Variants in CHRNE observed in about 807,000 individuals in gnomAD.
CHRNE encodes acetylcholine receptor subunit epsilon.
Under a neutral mutation model 56.5 loss-of-function variants are expected in CHRNE, and 58 were observed. That is an observed-to-expected ratio of 1.03 (90% CI 0.83 to 1.28). The LOEUF is 1.28. Ranked by LOEUF, CHRNE falls within the 50% of genes most tolerant of loss-of-function variation. The probability of loss-of-function intolerance (pLI) is 0.00; values close to 1 mark genes in which losing one functional copy is unlikely to be tolerated. For synonymous variants in CHRNE, 385 were observed against 297.9 expected, an observed-to-expected ratio of 1.29 and a Z score of -3.01; for missense variants, 793 against 688.9, an observed-to-expected ratio of 1.15 and a Z score of -1.69.
chr17:4,900,050 A>G (rs886769187), intron 8 of CHRNE: 2 of 1,550,096 alleles, frequency 1.3e-6, no homozygotes, highest in African/African-American at 2.7e-5. Flanking sequence ...CGAACCGAAG[A>G]TGCAGGGGAT....
At chr17:4,900,187 C>T in intron 8 of CHRNE, 1 of 1,543,440 alleles carries the variant, frequency 6.5e-7, no homozygotes, top group Non-Finnish European at 8.8e-7. Context: ...GATCGGGTAG[C>T]GGGAACAAGG....
chr17:4,901,371 G>C (rs1204984041), intron 6 of CHRNE, 154 bp downstream of exon 6: 42 of 938,296 alleles, frequency 4.5e-5, no homozygotes, highest in Non-Finnish European at 6.9e-5. Flanking sequence ...CAGGACTAGA[G>C]TAACAATCGA....
chr17:4,901,809 C>A, intron 5 of CHRNE, 123 bp downstream of exon 5: 3 of 1,445,488 alleles, frequency 2.1e-6, no homozygotes, highest in Non-Finnish European at 1.9e-6. Flanking sequence ...CCACCCAGTG[C>A]CTACGCCTGG....
In CHRNE at chr17:4,902,769, A is replaced by G; in HGVS notation, c.47-6T>C. 1 of 1,613,940 alleles carries G rather than the reference A, an allele frequency of 6.2e-7. No individual in the cohort carries two copies. Among genetic ancestry groups the G allele is most frequent in the South Asian group, 1.1e-5 (1 of 91,076 alleles). ...GTTCTTCCCCACACCCCTGCCTGCGATGGGGTCAAGAAGGAAGGGTCATTG... is the reference window on the plus strand; with the variant it reads ...GTTCTTCCCCACACCCCTGCCTGCGGTGGGGTCAAGAAGGAAGGGTCATTG... On this transcript the variant is annotated splice_region_variant and splice_polypyrimidine_tract_variant and intron_variant, in intron 1 of 11. Coordinates refer to ENST00000649488, the MANE Select transcript of CHRNE (RefSeq NM_000080.4). The surrounding 1 kb of genome is among the most constrained non-coding windows in gnomAD (Gnocchi z 4.0).
chr17:4,907,999 AC>A (rs1970113083), upstream of CHRNE, among the ~76,000 whole-genome samples: 1 of 151,898 alleles, frequency 6.6e-6, no homozygotes, highest in Admixed American at 6.6e-5. Context: ...ACATGGTGAA[AC>A]CCCGTCTCTA....
rs1240531731 is a variant in CHRNE at position 4,900,323 on chromosome 17, G to T, written c.917+470C>A. ...CAGACGGCAGGGATCCGGGTGCAGC[G>T]CTGAGCCGGGTAGCCCAAGCCGCAG... On this transcript the variant is annotated intron_variant, in intron 8 of 11. Coordinates refer to ENST00000649488, the MANE Select transcript of CHRNE (RefSeq NM_000080.4). 3.2e-6 allele frequency: 5 copies of T among 1,545,418 alleles called. No homozygotes were observed. In the South Asian group the frequency reaches 6.0e-5, roughly 18 times the overall value.
chr17:4,901,667 C>T (rs1358969817), intron 5 of CHRNE, 42 bp from the exon 6 acceptor site: 3 of 1,577,372 alleles, frequency 1.9e-6, no homozygotes, highest in Non-Finnish European at 2.6e-6. Flanking sequence ...AAGCTCTGAC[C>T]TGGGCCCCGG....
upstream of CHRNE, among the ~76,000 whole-genome samples, chr17:4,907,947 C>T (rs1377506584): frequency 6.6e-6 from 1 of 152,078 alleles, no homozygotes. Context: ...GAGGCCGAGG[C>T]GGGCGGATCA....
upstream of CHRNE, among the ~76,000 whole-genome samples, chr17:4,904,276 G>T (rs768822057): frequency 6.6e-6 from 1 of 151,370 alleles, no homozygotes; most frequent in African/African-American, 2.4e-5. Context: ...AGTTCACTGC[G>T]GCTCTCAAAC....
rs1202290550 is a variant in CHRNE, at chr17:4,899,105, C to T, written c.1222G>A (p.Ala408Thr). The change falls in exon 11 of 12, where the codon GCC becomes ACC. Residue 408 changes from alanine (A) to threonine (T), a missense_variant and splice_region_variant. Ala to Thr is a moderately conservative substitution (Grantham distance 58, BLOSUM62 0). Coordinates refer to ENST00000649488, the MANE Select transcript of CHRNE (RefSeq NM_000080.4). ...GCGGCGCCCAGGCTCTGGCAGAAGG[C>T]AGCTGGCGGGGAAAACACCGGGGTG... ...QRHRQGTWTA[A>T]FCQSLGAAAP... 2 of 1,608,684 alleles carry T rather than the reference C, an allele frequency of 1.2e-6. No homozygotes were observed. Among genetic ancestry groups the T allele is most frequent in the Non-Finnish European group, 1.7e-6 (2 of 1,178,734 alleles).
chr17:4,901,400 G>C (rs1969980922), intron 6 of CHRNE, 125 bp downstream of exon 6: 1 of 1,005,138 alleles, frequency 9.9e-7, no homozygotes. Context: ...TCAGGACAGG[G>C]GTAAGCTAAA....
At chr17:4,907,150 A>G (rs75489260), upstream of CHRNE, among the ~76,000 whole-genome samples, 2,583 of 152,250 alleles carry the variant, frequency 0.017, 69 homozygotes, top group African/African-American at 0.057. Flanking sequence ...ACTGTAGTCA[A>G]TAATAATTTC....
chr17:4,898,919 A>C (rs1325459508), intron 11 of CHRNE, 28 bp from the exon 12 acceptor site: 1 of 1,569,068 alleles, frequency 6.4e-7, no homozygotes, highest in African/African-American at 1.3e-5. Context: ...CAGTCAGTAA[A>C]GAGGCAGCTG....
rs946664930 is a variant in CHRNE, at chr17:4,901,697, A to AGCTGGGATCTAGCGGG, written c.501-88_501-73dup. ...CCCCGGCCTCAGGCCCAGCCCTGGA[A>AGCTGGGATCTAGCGGG]GCTGGGATCTAGCGGGGCCGCGATC... On this transcript the variant is annotated intron_variant, in intron 5 of 11. Transcript: ENST00000649488. 7 of 1,469,090 alleles carry AGCTGGGATCTAGCGGG rather than the reference A, an allele frequency of 4.8e-6. No individual in the cohort carries two copies. The African/African-American group carries it at 8.3e-5, about 17-fold the overall frequency. The allele number at this position is 1,469,090 out of a possible 1,614,324, so 91.0% of individuals were successfully genotyped here. A position where few individuals can be genotyped will look rare whatever the true frequency, so the allele number is the denominator to read the frequency against.
chr17:4,906,539 C>T (rs988537899), upstream of CHRNE, among the ~76,000 whole-genome samples: 4 of 152,008 alleles, frequency 2.6e-5, no homozygotes, highest in East Asian at 1.9e-4. Context: ...TTTGAATAGA[C>T]GCTTCTCAAA....
chr17:4,904,610 A>C (rs1227918554), upstream of CHRNE, among the ~76,000 whole-genome samples: 2 of 152,198 alleles, frequency 1.3e-5, no homozygotes, highest in African/African-American at 4.8e-5. Context: ...TCCTGAATAC[A>C]TGAAAGGGGA....
chr17:4,901,845 C>A (rs1485456394), intron 5 of CHRNE, 87 bp downstream of exon 5: 32 of 1,582,996 alleles, frequency 2.0e-5, no homozygotes, highest in Non-Finnish European at 2.8e-5. Context: ...GAAGCCCCGC[C>A]CCGAGGGCGG....
chr17:4,904,835 C>T (rs1185949220), upstream of CHRNE, among the ~76,000 whole-genome samples: 1 of 152,194 alleles, frequency 6.6e-6, no homozygotes, highest in Non-Finnish European at 1.5e-5. Context: ...AGAGTGTCCT[C>T]CTAGTCCATT....
At chr17:4,900,208 C>T (rs1272271645) in intron 8 of CHRNE, 3 of 1,543,156 alleles carry the variant, frequency 1.9e-6, no homozygotes. Context: ...ACCTCTGCCT[C>T]CCCGCTAACC....
Sources: gnomAD v4.1 joint callset for allele counts (sites outside exome capture counted in the v4.1 genomes callset) on GRCh38, gnomAD v4.1.1 for gene constraint, Gnocchi (gnomAD v3.1) non-coding constraint, MANE v1.5 for transcripts, NCBI Gene and HGNC (gene_info 2026-07-23, HGNC 2026-07-21) for gene names.